SMYD3: variants seen among roughly 807,000 people sequenced by gnomAD.
The protein encoded by SMYD3 is histone-lysine N-methyltransferase SMYD3.
In SMYD3, 36 loss-of-function variants were observed where a neutral mutation model predicts 57.7. The ratio of observed to expected loss-of-function variants is 0.62; its 90% confidence interval spans 0.48 to 0.82. SMYD3 has a LOEUF of 0.82. Ranked by LOEUF, SMYD3 falls within the 40% of genes least tolerant of loss-of-function variation. The pLI, the probability that SMYD3 is intolerant of heterozygous loss-of-function variation, is 0.00. For synonymous variants in SMYD3, 211 were observed against 195.0 expected (o/e 1.08, Z -0.68); for missense variants, 515 against 538.8 (o/e 0.96, Z 0.44).
chr1:246,329,500 T>C (rs942509562), intron 4 of SMYD3, among the ~76,000 whole-genome samples: 1 of 152,212 alleles, frequency 6.6e-6, no homozygotes, highest in African/African-American at 2.4e-5. Context: ...TTTTGAGAAG[T>C]GTCTGTTCAT....
At chr1:246,277,821 G>A (rs1236431563) in intron 5 of SMYD3, among the ~76,000 whole-genome samples, 1 of 152,104 alleles carries the variant, frequency 6.6e-6, no homozygotes, top group Non-Finnish European at 1.5e-5. Context: ...ACAGACAAAA[G>A]TCATCTATAG....
intron 10 of SMYD3, among the ~76,000 whole-genome samples, chr1:245,854,699 A>G (rs1167619503): frequency 1.3e-5 from 2 of 152,030 alleles, no homozygotes; most frequent in South Asian, 2.1e-4. Context: ...CAGCAGGCAT[A>G]TTTAAAAGAC....
chr1:246,264,014 TA>T (rs1196873782), intron 5 of SMYD3, among the ~76,000 whole-genome samples: 2 of 151,392 alleles, frequency 1.3e-5, no homozygotes, highest in Non-Finnish European at 2.9e-5. Flanking sequence ...CAAAAGGCCA[TA>T]TTGCCTAAGA....
chr1:245,860,580 A>G (rs2051485098), intron 9 of SMYD3, among the ~76,000 whole-genome samples: 2 of 152,274 alleles, frequency 1.3e-5, no homozygotes, highest in African/African-American at 4.8e-5. Flanking sequence ...GTTCCATCAC[A>G]CCCACTACAA....
At chr1:246,482,771 C>A (rs938794267) in intron 1 of SMYD3, among the ~76,000 whole-genome samples, 4 of 152,170 alleles carry the variant, frequency 2.6e-5, no homozygotes, top group Non-Finnish European at 5.9e-5. Flanking sequence ...ACACAAAGTG[C>A]TCCAGTTTCA....
intron 5 of SMYD3, among the ~76,000 whole-genome samples, chr1:246,093,669 A>T (rs1292588386): frequency 6.6e-6 from 1 of 151,806 alleles, no homozygotes; most frequent in African/African-American, 2.4e-5. Context: ...ATTACGTACA[A>T]TTATTATGTA....
At chr1:246,498,290 C>T (rs889675139) in intron 1 of SMYD3, among the ~76,000 whole-genome samples, 7 of 152,108 alleles carry the variant, frequency 4.6e-5, no homozygotes, top group African/African-American at 1.7e-4. Flanking sequence ...AATATCCACA[C>T]ATAGGAAATT....
chr1:246,381,558 A>T (rs573690771), intron 1 of SMYD3, among the ~76,000 whole-genome samples: 1 of 152,290 alleles, frequency 6.6e-6, no homozygotes, highest in African/African-American at 2.4e-5. Flanking sequence ...AGACCAATGA[A>T]CTCAGACTGG....
intron 1 of SMYD3, among the ~76,000 whole-genome samples, chr1:246,418,413 G>A (rs948476332): frequency 3.3e-5 from 5 of 152,188 alleles, no homozygotes; most frequent in African/African-American, 1.2e-4. Flanking sequence ...CGGACCCCAT[G>A]GCAGTGTCTA....
At chr1:246,098,225 A>T (rs1297292680) in intron 5 of SMYD3, among the ~76,000 whole-genome samples, 4 of 152,214 alleles carry the variant, frequency 2.6e-5, no homozygotes, top group Non-Finnish European at 4.4e-5. Context: ...ATTAGCTCCA[A>T]AACTACTAAC....
intron 5 of SMYD3, among the ~76,000 whole-genome samples, chr1:246,221,821 C>A (rs537430826): frequency 2.0e-5 from 3 of 152,118 alleles, no homozygotes; most frequent in African/African-American, 7.2e-5. Context: ...ATGAGCTGAG[C>A]GCAGCCTGCC....
chr1:246,363,917 A>G (rs2066052855), intron 1 of SMYD3, among the ~76,000 whole-genome samples: 1 of 152,182 alleles, frequency 6.6e-6, no homozygotes, highest in Non-Finnish European at 1.5e-5. Context: ...AGAATGATCA[A>G]TAAAAAAATA....
intron 11 of SMYD3, among the ~76,000 whole-genome samples, chr1:245,758,099 G>GAATAACTTATTCAGTTATTCTCAGAT (rs2045686253): frequency 1.3e-5 from 2 of 151,994 alleles, no homozygotes; most frequent in African/African-American, 2.4e-5. Context: ...TCTTCATGGA[G>GAATAACTTATTCAGTTATTCTCAGAT]AATAACTTAT....
chr1:246,353,108 G>T (rs1194754223), intron 2 of SMYD3, among the ~76,000 whole-genome samples: 1 of 152,120 alleles, frequency 6.6e-6, no homozygotes, highest in Admixed American at 6.5e-5. Flanking sequence ...TTTGCTTTTA[G>T]TTACTCTTGT....
At position 245,926,888 on chromosome 1, in the gene SMYD3, T is replaced by C. The variant is rs369535657; in HGVS notation, c.702+1043A>G. Among the ~76,000 whole-genome samples the C allele has an allele frequency of 5.9e-5, 9 of 152,318 alleles. No individual in the cohort carries two copies. The East Asian group carries it at 1.7e-3, about 29-fold the overall frequency. On this transcript the variant is annotated intron_variant, in intron 7 of 11. Coordinates refer to ENST00000490107, the MANE Select transcript of SMYD3 (RefSeq NM_001167740.2). ...AAAAAAAAGAGAAAAAACTACATTGTCCATCTCACTGACATCTATCCCAGT... is the reference window on the plus strand; with the variant it reads ...AAAAAAAAGAGAAAAAACTACATTGCCCATCTCACTGACATCTATCCCAGT...
At chr1:246,466,038 C>T (rs1221653747) in intron 1 of SMYD3, among the ~76,000 whole-genome samples, 1 of 152,206 alleles carries the variant, frequency 6.6e-6, no homozygotes, top group Non-Finnish European at 1.5e-5. Context: ...TCCCAAAGTG[C>T]TGGGATTAGA....
At chr1:246,242,544 G>T (rs910624610) in intron 5 of SMYD3, among the ~76,000 whole-genome samples, 2 of 152,072 alleles carry the variant, frequency 1.3e-5, no homozygotes, top group Non-Finnish European at 2.9e-5. Flanking sequence ...ATCAACTAAT[G>T]AGCAAAATAA....
At chr1:246,266,379 T>C (rs12033048) in intron 5 of SMYD3, among the ~76,000 whole-genome samples, 31,140 of 152,028 alleles carry the variant, frequency 0.2, 3,986 homozygotes, top group East Asian at 0.58. Context: ...TTCCTCTGTA[T>C]TCCTAAAGTA....
At chr1:246,247,487 T>TATATACATATATATATA (rs1558347068) in intron 5 of SMYD3, among the ~76,000 whole-genome samples, 1 of 141,360 alleles carries the variant, frequency 7.1e-6, no homozygotes, top group African/African-American at 2.8e-5. Flanking sequence ...ATATATATAT[T>TATATACATATATATATA]TTTTAACATG....
Sources: gnomAD v4.1 joint callset for allele counts (sites outside exome capture counted in the v4.1 genomes callset) on GRCh38, gnomAD v4.1.1 for gene constraint, MANE v1.5 for transcripts, NCBI Gene and HGNC (gene_info 2026-07-23, HGNC 2026-07-21) for gene names.